MS4A4E: variants seen among roughly 807,000 people sequenced by gnomAD.
MS4A4E encodes membrane spanning 4-domains A4E, also known as putative membrane-spanning 4-domains subfamily A member 4E.
Under a neutral mutation model 13.3 loss-of-function variants are expected in MS4A4E, and 23 were observed. That is an observed-to-expected ratio of 1.73 (90% CI 1.25 to 2.45). MS4A4E has a LOEUF of 2.45. MS4A4E is among the 30% of genes most tolerant of loss of function. The pLI is 0.00. For synonymous variants in MS4A4E, 36 were observed against 45.6 expected (o/e 0.79, Z 0.85); for missense variants, 144 against 131.2 (o/e 1.10, Z -0.48).
intron 8 of MS4A4E, among the ~76,000 whole-genome samples, chr11:60,202,606 A>T (rs1358478294): frequency 6.6e-6 from 1 of 152,200 alleles, no homozygotes; most frequent in African/African-American, 2.4e-5. Flanking sequence ...ATATACATCA[A>T]AGCCACTAAG....
Position 60,243,082 on chromosome 11 carries a change from C to A in MS4A4E, c.-141G>T. 1 of 781,770 alleles carries A rather than the reference C, an allele frequency of 1.3e-6. No homozygotes were observed. 48.4% of individuals were successfully genotyped at this position (781,770 alleles called of 1,614,324 possible). ...ACTCCACACCTCACTCAGTTTAAAT[C>A]TGCACTCCTTTTCTAGTAGATGTTT... On this transcript the variant is annotated 5_prime_UTR_variant, in exon 1 of 9. Coordinates refer to ENST00000651255, the MANE Select transcript of MS4A4E (RefSeq NM_001393391.1).
chr11:60,227,214 T>A (rs1054217963), intron 3 of MS4A4E, among the ~76,000 whole-genome samples: 3 of 152,144 alleles, frequency 2.0e-5, no homozygotes, highest in Admixed American at 6.5e-5. Context: ...AAGACATCAG[T>A]TCTTCCCAAT....
intron 3 of MS4A4E, among the ~76,000 whole-genome samples, chr11:60,222,307 T>G (rs2084279520): frequency 6.6e-6 from 1 of 152,186 alleles, no homozygotes; most frequent in South Asian, 2.1e-4. Flanking sequence ...CACATAGCAT[T>G]GCCTCTGACC....
chr11:60,242,934 A>T, intron 1 of MS4A4E, 24 bp downstream of exon 1: 2 of 1,539,510 alleles, frequency 1.3e-6, no homozygotes, highest in Non-Finnish European at 1.8e-6. Context: ...CCGAGAGCCT[A>T]GGAAGGCAAG....
chr11:60,212,744 A>G (rs746758738), intron 5 of MS4A4E, among the ~76,000 whole-genome samples: 1 of 152,206 alleles, frequency 6.6e-6, no homozygotes, highest in Non-Finnish European at 1.5e-5. Context: ...TAGGTGTTCT[A>G]TAACTATAAG....
chr11:60,212,813 T>A (rs189404084), intron 5 of MS4A4E, among the ~76,000 whole-genome samples, 161 bp downstream of exon 5: 2 of 152,336 alleles, frequency 1.3e-5, no homozygotes, highest in East Asian at 1.9e-4. Flanking sequence ...AGATGAGATG[T>A]GTACCTGACT....
chr11:60,205,893 C>T (rs916821967), intron 6 of MS4A4E, among the ~76,000 whole-genome samples, 73 bp from the exon 7 acceptor site: 2 of 152,084 alleles, frequency 1.3e-5, no homozygotes, highest in Non-Finnish European at 2.9e-5. Flanking sequence ...ATATGTGACA[C>T]AGGATACACA....
chr11:60,240,780 A>G (rs1489481633), intron 1 of MS4A4E, among the ~76,000 whole-genome samples: 1 of 152,074 alleles, frequency 6.6e-6, no homozygotes, highest in Non-Finnish European at 1.5e-5. Flanking sequence ...CCACCACAGC[A>G]TCTAATCTTC....
chr11:60,201,081 T>C lies in MS4A4E; in HGVS notation c.*462A>G, dbSNP rs1490239832. On this transcript the variant is annotated 3_prime_UTR_variant, in exon 9 of 9. Transcript: ENST00000651255. ...CGGGTGGGGGGCTGAACCCCCCACCTCCCTCCCGGACGGGGCGGCTGGCCG... is the reference window on the plus strand; with the variant it reads ...CGGGTGGGGGGCTGAACCCCCCACCCCCCTCCCGGACGGGGCGGCTGGCCG... Among the ~76,000 whole-genome samples, 1 of 103,176 alleles carries C rather than the reference T, an allele frequency of 9.7e-6. No homozygotes were observed. Among genetic ancestry groups the C allele is most frequent in the Non-Finnish European group, 1.9e-5 (1 of 51,552 alleles). 67.7% of individuals were successfully genotyped at this position (103,176 alleles called of 152,430 possible).
intron 8 of MS4A4E, among the ~76,000 whole-genome samples, chr11:60,204,427 G>A (rs1173015955): frequency 6.6e-6 from 1 of 152,186 alleles, no homozygotes; most frequent in Non-Finnish European, 1.5e-5. Context: ...AACTCAACTA[G>A]AGTGAAGTTC....
At position 60,214,615 on chromosome 11, in the gene MS4A4E, C is replaced by G. The variant is rs2084167212; in HGVS notation, c.179-1G>C. 1 of 1,518,740 alleles carries G rather than the reference C, an allele frequency of 6.6e-7. No individual in the cohort carries two copies. Among genetic ancestry groups the G allele is most frequent in the African/African-American group, 1.4e-5 (1 of 71,978 alleles). The allele number at this position is 1,518,740 out of a possible 1,614,324, so 94.1% of individuals were successfully genotyped here. ...ATTCCTGCTGCAACTGATAAGGATA[C>G]TGAAATAATAAAATAAGAATGAGAG... On this transcript the variant is annotated splice_acceptor_variant, in intron 3 of 8. Coordinates refer to ENST00000651255, the MANE Select transcript of MS4A4E (RefSeq NM_001393391.1). LOFTEE classifies it high-confidence loss of function.
At chr11:60,221,974 C>T (rs1324583683) in intron 3 of MS4A4E, among the ~76,000 whole-genome samples, 1 of 152,144 alleles carries the variant, frequency 6.6e-6, no homozygotes, top group East Asian at 1.9e-4. Context: ...GCCATGGTGG[C>T]AGGGATGGAG....
chr11:60,239,851 C>T (rs2084527295), intron 1 of MS4A4E, among the ~76,000 whole-genome samples: 1 of 152,126 alleles, frequency 6.6e-6, no homozygotes, highest in Admixed American at 6.5e-5. Flanking sequence ...AATAGCAGGC[C>T]TTATTTTTGG....
At chr11:60,207,513 TTGTCGGGG>T in intron 6 of MS4A4E, among the ~76,000 whole-genome samples, 1 of 151,886 alleles carries the variant, frequency 6.6e-6, no homozygotes, top group African/African-American at 2.4e-5. Flanking sequence ...TGAGGGAGGG[TTGTCGGGG>T]AGTGGGATAT....
chr11:60,204,228 G>C (rs926470169), intron 8 of MS4A4E, among the ~76,000 whole-genome samples: 12 of 152,186 alleles, frequency 7.9e-5, no homozygotes, highest in African/African-American at 2.7e-4. Flanking sequence ...ATGAGTTAGA[G>C]AGGAAGCCAT....
rs1175102597 is a variant in MS4A4E at position 60,201,165 on chromosome 11, C to T, written c.*378G>A. The T allele has an allele frequency of 1.9e-4, 28 of 146,544 alleles. No individual in the cohort carries two copies. The highest frequency in any genetic ancestry group is 3.9e-4 in the Non-Finnish European group (26 of 67,298). 9.1% of individuals were successfully genotyped at this position (146,544 alleles called of 1,614,324 possible). A position where few individuals can be genotyped will look rare whatever the true frequency, so the allele number is the denominator to read the frequency against. ...CGGAGCGGCTGGCCGGGTAGAGGGG[C>T]TCCTCACTTCCCAGTAGGGGCGGCT... On this transcript the variant is annotated 3_prime_UTR_variant, in exon 9 of 9. Coordinates refer to ENST00000651255, the MANE Select transcript of MS4A4E (RefSeq NM_001393391.1).
intron 8 of MS4A4E, among the ~76,000 whole-genome samples, chr11:60,202,111 G>A (rs1051154266): frequency 1.3e-5 from 2 of 152,126 alleles, no homozygotes; most frequent in Non-Finnish European, 2.9e-5. Context: ...GGCAATTCTT[G>A]GCCTAACTTC....
chr11:60,232,818 A>G (rs2084429399), intron 1 of MS4A4E, among the ~76,000 whole-genome samples: 1 of 152,002 alleles, frequency 6.6e-6, no homozygotes, highest in African/African-American at 2.4e-5. Context: ...CCACTACACT[A>G]TGCACACGTG....
At chr11:60,217,434 G>A (rs570954484) in intron 3 of MS4A4E, among the ~76,000 whole-genome samples, 2 of 151,814 alleles carry the variant, frequency 1.3e-5, no homozygotes, top group Admixed American at 6.6e-5. Flanking sequence ...AGAAAAAACA[G>A]CTTCCCCATC....
Sources: allele counts gnomAD v4.1 joint callset (sites outside exome capture counted in the v4.1 genomes callset), GRCh38; gene constraint gnomAD v4.1.1; transcripts MANE v1.5; gene names NCBI Gene and HGNC (gene_info 2026-07-23, HGNC 2026-07-21).